The following TULP4 variants were observed in gnomAD, a reference collection of about 807,000 sequenced individuals.
TULP4 encodes tubby-related protein 4.
TULP4 carries 16 observed loss-of-function variants against 129.0 expected under a neutral mutation model. The observed-to-expected ratio is 0.12, with a 90% confidence interval of 0.08 to 0.19. The LOEUF is 0.19. TULP4 is among the 10% of genes least tolerant of loss of function. TULP4 has a pLI of 1.00. For synonymous variants in TULP4, 998 were observed against 854.0 expected (o/e 1.17, Z -2.94); for missense variants, 1,842 against 2,059.1 (o/e 0.89, Z 2.04).
chr6:158,485,079 G>A (rs180912941), intron 8 of TULP4, among the ~76,000 whole-genome samples: 324 of 152,288 alleles, frequency 2.1e-3, no homozygotes, highest in African/African-American at 7.5e-3. Context: ...GGAACATACT[G>A]AAAACTGGAT....
At chr6:158,477,813 T>A (rs1779856191) in intron 6 of TULP4, among the ~76,000 whole-genome samples, 1 of 152,236 alleles carries the variant, frequency 6.6e-6, no homozygotes, top group Non-Finnish European at 1.5e-5. Flanking sequence ...ATGCATATGT[T>A]CATTGCAGCA....
chr6:158,243,452 C>CATATATAT (rs146352480), intron 1 of TULP4, among the ~76,000 whole-genome samples: 19 of 149,068 alleles, frequency 1.3e-4, no homozygotes, highest in South Asian at 2.1e-4. Context: ...TATATCATAT[C>CATATATAT]ATATATATAT....
intron 1 of TULP4, among the ~76,000 whole-genome samples, chr6:158,306,582 A>T (rs1779219689): frequency 6.6e-6 from 1 of 152,174 alleles, no homozygotes; most frequent in Admixed American, 6.5e-5. Context: ...GGAAAGATAG[A>T]TAGATTTACA....
In TULP4 at chr6:158,413,162, C is replaced by G; in HGVS notation, c.350C>G (p.Ser117Cys). 1 of 1,613,420 alleles carries G rather than the reference C, an allele frequency of 6.2e-7. No individual in the cohort carries two copies. The highest frequency in any genetic ancestry group is 8.5e-7 in the Non-Finnish European group (1 of 1,179,506). Residue 117 changes from serine to cysteine, a missense_variant, in exon 2 of 14, where the codon TCT (serine) becomes TGT (cysteine). Transcript: ENST00000367097. The surrounding 1 kb of genome is among the most constrained non-coding windows in gnomAD (Gnocchi z 4.9). ...FVWIQYEGRW[S>C]VELVNDRGAQ... ...TGGATTCAGTACGAGGGCAGGTGGT[C>G]TGTGGAGCTGGTCAACGACCGCGGG...
chr6:158,283,513 T>G (rs568725871), intron 1 of TULP4, among the ~76,000 whole-genome samples: 117 of 152,328 alleles, frequency 7.7e-4, no homozygotes, highest in African/African-American at 2.6e-3. Context: ...CTTAGTTCCT[T>G]GTACTTGGGG....
intron 1 of TULP4, among the ~76,000 whole-genome samples, chr6:158,326,505 T>A (rs1373815107): frequency 6.6e-6 from 1 of 152,226 alleles, no homozygotes; most frequent in Admixed American, 6.5e-5. Context: ...TATGGAATCT[T>A]GTATTTTTTT....
At chr6:158,439,318 C>T (rs1374894284) in intron 3 of TULP4, among the ~76,000 whole-genome samples, 1 of 152,108 alleles carries the variant, frequency 6.6e-6, no homozygotes, top group Non-Finnish European at 1.5e-5. Context: ...TCTATTTGCC[C>T]TAAGAAAACA....
chr6:158,435,818 C>T (rs372502834), intron 3 of TULP4, among the ~76,000 whole-genome samples: 18 of 152,262 alleles, frequency 1.2e-4, no homozygotes, highest in Non-Finnish European at 2.2e-4. Flanking sequence ...CTCCTCCCTC[C>T]GGTCCCTCAT....
In TULP4 at chr6:158,481,402, G is replaced by A. The variant is rs868085625; in HGVS notation, c.1486+113G>A. Reference sequence around the variant, plus strand: ...GCTAATGAAACGTGAGCCTGTGGGGGCTAGTGTGGAACATCCTTGAAGCTA... The same window carrying A: ...GCTAATGAAACGTGAGCCTGTGGGGACTAGTGTGGAACATCCTTGAAGCTA... On this transcript the variant is annotated intron_variant, in intron 8 of 13. Transcript: ENST00000367097. The A allele has an allele frequency of 3.4e-5, 33 of 961,110 alleles. No individual in the cohort carries two copies. In the Middle Eastern group the frequency reaches 1.0e-3, roughly 30 times the overall value. 59.5% of individuals were successfully genotyped at this position (961,110 alleles called of 1,614,324 possible).
At chr6:158,415,349 C>CTTTT (rs561619354) in intron 2 of TULP4, among the ~76,000 whole-genome samples, 5 of 130,616 alleles carry the variant, frequency 3.8e-5, no homozygotes, top group East Asian at 2.2e-4. Context: ...GAGTGTGCTT[C>CTTTT]TTTTTTTTTT....
intron 5 of TULP4, among the ~76,000 whole-genome samples, chr6:158,461,122 A>G (rs1460326137): frequency 6.6e-6 from 1 of 152,152 alleles, no homozygotes. Context: ...CTAAAACATG[A>G]ATATATGGGC....
upstream of TULP4, chr6:158,312,044 T>TTA (rs1554279146): frequency 4.5e-5 from 18 of 397,704 alleles, no homozygotes; most frequent in African/African-American, 1.9e-4. Flanking sequence ...TTTTTTTTTT[T>TTA]AAACAGATTT....
intron 2 of TULP4, among the ~76,000 whole-genome samples, chr6:158,418,272 A>AT (rs1462354344): frequency 1.3e-5 from 2 of 150,710 alleles, no homozygotes; most frequent in African/African-American, 2.4e-5. Flanking sequence ...ACACCCGGCT[A>AT]TTTTTTTATA....
intron 1 of TULP4, among the ~76,000 whole-genome samples, chr6:158,315,540 T>C (rs1779467497): frequency 6.6e-6 from 1 of 152,212 alleles, no homozygotes; most frequent in East Asian, 1.9e-4. Context: ...CAGTCACCCA[T>C]GTAAGCGCCA....
intron 1 of TULP4, among the ~76,000 whole-genome samples, chr6:158,388,345 T>TTTG (rs1554286548): frequency 4.1e-5 from 6 of 144,806 alleles, no homozygotes; most frequent in African/African-American, 1.5e-4. Flanking sequence ...TTTTTTTTTT[T>TTTG]TTGAGACGGA....
intron 1 of TULP4, among the ~76,000 whole-genome samples, chr6:158,292,252 C>T (rs1778956002): frequency 6.6e-6 from 1 of 152,246 alleles, no homozygotes; most frequent in Non-Finnish European, 1.5e-5. Flanking sequence ...GAATGACCAA[C>T]TGTCTGGTTA....
chr6:158,423,583 A>G (rs921295091), intron 2 of TULP4, among the ~76,000 whole-genome samples: 1 of 152,168 alleles, frequency 6.6e-6, no homozygotes, highest in African/African-American at 2.4e-5. Flanking sequence ...CCAATTATAA[A>G]TTAAATTTTT....
intron 5 of TULP4, among the ~76,000 whole-genome samples, chr6:158,453,064 A>T (rs1460458444): frequency 1.3e-5 from 2 of 152,162 alleles, no homozygotes; most frequent in Admixed American, 1.3e-4. Context: ...CAAGCCAGGA[A>T]CTTTGGTGTA....
At chr6:158,263,282 A>G (rs979597852) in intron 1 of TULP4, among the ~76,000 whole-genome samples, 2 of 152,226 alleles carry the variant, frequency 1.3e-5, no homozygotes, top group Non-Finnish European at 2.9e-5. Context: ...AACTGGGCCT[A>G]AGCTGGGAGA....
Sources: gnomAD v4.1 joint callset for allele counts (sites outside exome capture counted in the v4.1 genomes callset) on GRCh38, gnomAD v4.1.1 for gene constraint, Gnocchi (gnomAD v3.1) non-coding constraint, MANE v1.5 for transcripts, NCBI Gene and HGNC (gene_info 2026-07-23, HGNC 2026-07-21) for gene names.